Variants in CDH1 observed in about 807,000 individuals in gnomAD.
CDH1 encodes the protein cadherin 1.
Under a neutral mutation model 84.5 loss-of-function variants are expected in CDH1, and 35 were observed. The ratio of observed to expected loss-of-function variants is 0.41; its 90% CI spans 0.32 to 0.55. The LOEUF is 0.55. CDH1 is among the 20% of genes least tolerant of loss of function. CDH1 has a pLI of 0.19. For synonymous variants in CDH1, 417 were observed against 439.0 expected (o/e 0.95, Z 0.63); for missense variants, 994 against 1,126.6 (o/e 0.88, Z 1.68).
chr16:68,753,493 C>G (rs952739918), intron 2 of CDH1, among the ~76,000 whole-genome samples: 2 of 151,780 alleles, frequency 1.3e-5, no homozygotes, highest in African/African-American at 2.4e-5. Flanking sequence ...TTTTAGCCAC[C>G]ATGCCCGGCT....
intron 2 of CDH1, among the ~76,000 whole-genome samples, chr16:68,771,612 C>T (rs1272116115): frequency 6.6e-6 from 1 of 151,980 alleles, no homozygotes; most frequent in African/African-American, 2.4e-5. Context: ...ATTAGCTGGG[C>T]GTGGTGGCGC....
At chr16:68,783,041 G>T (rs1333566675) in intron 2 of CDH1, among the ~76,000 whole-genome samples, 1 of 152,074 alleles carries the variant, frequency 6.6e-6, no homozygotes, top group African/African-American at 2.4e-5. Context: ...ATCACATGTT[G>T]CCTATTGAGA....
chr16:68,818,793 C>G (rs1202380666), intron 10 of CDH1, among the ~76,000 whole-genome samples: 1 of 139,398 alleles, frequency 7.2e-6, no homozygotes, highest in Non-Finnish European at 1.5e-5. Context: ...GAGCTTGCAG[C>G]GAGCCGACAT....
intron 2 of CDH1, among the ~76,000 whole-genome samples, chr16:68,782,057 T>A (rs1280991179): frequency 6.6e-6 from 1 of 152,210 alleles, no homozygotes; most frequent in Non-Finnish European, 1.5e-5. Flanking sequence ...GGGCAGCTGC[T>A]GTTCCCCATG....
intron 2 of CDH1, among the ~76,000 whole-genome samples, chr16:68,790,058 A>G (rs900555986): frequency 1.3e-5 from 2 of 152,184 alleles, no homozygotes; most frequent in African/African-American, 2.4e-5. Context: ...CTCCATCTCA[A>G]AAACAAAAAC....
At chr16:68,794,064 C>T (rs1167414322) in intron 2 of CDH1, among the ~76,000 whole-genome samples, 1 of 152,054 alleles carries the variant, frequency 6.6e-6, no homozygotes, top group Non-Finnish European at 1.5e-5. Context: ...TACAAGGTCT[C>T]ACTCTGTTGC....
Position 68,834,944 on chromosome 16 carries a change from T to C in CDH1, c.*1445T>C, listed in dbSNP as rs528645658. The C allele has an allele frequency of 1.1e-4, 26 of 232,254 alleles. No individual in the cohort carries two copies. In the East Asian group the frequency reaches 1.6e-3, roughly 14 times the overall value. The allele number at this position is 232,254 out of a possible 1,614,324, so 14.4% of individuals were successfully genotyped here. ...GATTGAGGTGGGTCTACCTCATCTC[T>C]GAAAATTCTGGAAGGAATGGAGGAG... On this transcript the variant is annotated 3_prime_UTR_variant, in exon 16 of 16. Transcript: ENST00000261769.
chr16:68,815,490 T>C, intron 9 of CDH1, 25 bp from the exon 10 acceptor site: 4 of 1,614,122 alleles, frequency 2.5e-6, no homozygotes, highest in Non-Finnish European at 1.7e-6. Context: ...GTTTTGTTTT[T>C]AACTTCATTG....
intron 2 of CDH1, among the ~76,000 whole-genome samples, chr16:68,794,685 CTTTT>C (rs34110311): frequency 3.2e-5 from 4 of 126,440 alleles, no homozygotes; most frequent in Non-Finnish European, 5.0e-5. Context: ...GCCGGGCTAA[CTTTT>C]TTTTTTTTTT....
rs576941489 is a variant in CDH1 at position 68,803,125 on chromosome 16, T to C, written c.387+1232T>C. On this transcript the variant is annotated intron_variant, in intron 3 of 15. Coordinates refer to ENST00000261769, the MANE Select transcript of CDH1 (RefSeq NM_004360.5). ...TGTCCTGCTTACTGCTTTGGACGTG[T>C]GGAATATGTTGTAAGTGCCAGGGCC... Among the ~76,000 whole-genome samples the C allele has an allele frequency of 4.4e-4, 67 of 152,256 alleles. 1 individual carries two copies. In the South Asian group the frequency reaches 0.01, roughly 23 times the overall value.
intron 2 of CDH1, among the ~76,000 whole-genome samples, chr16:68,741,718 C>T (rs1318318374): frequency 6.6e-6 from 1 of 151,948 alleles, no homozygotes; most frequent in African/African-American, 2.4e-5. Context: ...TTGCTCTTGC[C>T]GCCCAGCCTG....
In CDH1 at chr16:68,829,649, CA is replaced by C; in HGVS notation, c.2296-2del. On this transcript the variant is annotated splice_region_variant and splice_polypyrimidine_tract_variant and intron_variant, in intron 14 of 15. Coordinates refer to ENST00000261769, the MANE Select transcript of CDH1 (RefSeq NM_004360.5). ...TCATTGTACTTCAACCTTTTTTCTC[CA>C]AAGGACTTTGACTTGAGCCAGCTGC... 6.2e-7 allele frequency: 1 copy of C among 1,614,036 alleles called. No homozygotes were observed. Among genetic ancestry groups the C allele is most frequent in the Non-Finnish European group, 8.5e-7 (1 of 1,180,004 alleles).
intron 3 of CDH1, among the ~76,000 whole-genome samples, chr16:68,806,566 T>C (rs957572340): frequency 9.9e-5 from 15 of 152,200 alleles, no homozygotes; most frequent in African/African-American, 3.6e-4. Flanking sequence ...ATCATTACCT[T>C]TATTGAGCAC....
intron 2 of CDH1, among the ~76,000 whole-genome samples, chr16:68,769,969 C>T (rs555832265): frequency 2.4e-3 from 359 of 150,134 alleles, no homozygotes; most frequent in Middle Eastern, 7.2e-3. Flanking sequence ...GTGTGAGCCA[C>T]CGCAGCTGGC....
At chr16:68,831,642 C>T (rs890971162) in intron 15 of CDH1, among the ~76,000 whole-genome samples, 2 of 151,912 alleles carry the variant, frequency 1.3e-5, no homozygotes, top group African/African-American at 4.8e-5. Flanking sequence ...TAGATTCAAG[C>T]GATTCTCCTG....
intron 2 of CDH1, among the ~76,000 whole-genome samples, chr16:68,781,708 G>C (rs1027891841): frequency 1.9e-4 from 29 of 152,034 alleles, no homozygotes; most frequent in African/African-American, 5.3e-4. Context: ...TCCTGGACTC[G>C]AGTGATCTCC....
chr16:68,756,838 T>C (rs1963029939), intron 2 of CDH1, among the ~76,000 whole-genome samples: 1 of 152,048 alleles, frequency 6.6e-6, no homozygotes, highest in Admixed American at 6.6e-5. Flanking sequence ...ACCCTGTCTC[T>C]ACATACAAAA....
rs1391672437 is a variant in CDH1 at position 68,758,638 on chromosome 16, T to TTTAG, written c.163+20228_163+20231dup. ...AGTTTTTCTCATTAGATGTTTCTGCTTTAGACTTGTGTCAAGGGAGTGAAA... is the reference window on the plus strand; with the variant it reads ...AGTTTTTCTCATTAGATGTTTCTGCTTTAGTTAGACTTGTGTCAAGGGAGTGAAA... On this transcript the variant is annotated intron_variant, in intron 2 of 15. Transcript: ENST00000261769. 2.3e-5 allele frequency among the ~76,000 whole-genome samples: 3 copies of TTTAG among 133,014 alleles called. No individual in the cohort carries two copies. The Admixed American group carries it at 2.6e-4, about 12-fold the overall frequency. The allele number at this position is 133,014 out of a possible 152,430, so 87.3% of individuals were successfully genotyped here.
chr16:68,819,788 G>T (rs1478539430), intron 11 of CDH1, among the ~76,000 whole-genome samples: 1 of 152,132 alleles, frequency 6.6e-6, no homozygotes, highest in African/African-American at 2.4e-5. Context: ...GTGAGAACAT[G>T]CAGTATTTCT....
Sources: gnomAD v4.1 joint callset for allele counts (sites outside exome capture counted in the v4.1 genomes callset) on GRCh38, gnomAD v4.1.1 for gene constraint, MANE v1.5 for transcripts, NCBI Gene and HGNC (gene_info 2026-07-23, HGNC 2026-07-21) for gene names.